Variants in EFHC2 observed in about 807,000 individuals in gnomAD.
EFHC2 encodes EF-hand domain-containing family member C2.
A neutral mutation model predicts 52.7 loss-of-function variants in EFHC2; 18 were observed. The ratio of observed to expected loss-of-function variants is 0.34; its 90% CI spans 0.24 to 0.51. The LOEUF is 0.51. Among genes scored for constraint, EFHC2 ranks in the 20% least tolerant of loss-of-function variants. The pLI, the probability that EFHC2 is intolerant of heterozygous loss-of-function variation, is 0.97. For synonymous variants in EFHC2, 203 were observed against 204.1 expected, an observed-to-expected ratio of 0.99 and a Z score of 0.04; for missense variants, 513 against 562.5, an observed-to-expected ratio of 0.91 and a Z score of 0.89.
intron 1 of EFHC2, among the ~76,000 whole-genome samples, chrX:44,317,002 G>A (rs370772422): frequency 7.1e-5 from 8 of 111,954 alleles, no homozygotes; most frequent in South Asian, 3.7e-4. Context: ...ACTTGAGACC[G>A]TCATTACGAG....
At chrX:44,262,275 G>A (rs758675966) in intron 3 of EFHC2, among the ~76,000 whole-genome samples, 33 of 109,110 alleles carry the variant, frequency 3.0e-4, no homozygotes, top group Non-Finnish European at 5.7e-4. Flanking sequence ...CAGGCAGATT[G>A]CTTGAGCCCA....
chrX:44,259,868 T>C (rs2037523968), intron 4 of EFHC2, among the ~76,000 whole-genome samples: 1 of 111,739 alleles, frequency 8.9e-6, no homozygotes, highest in South Asian at 3.7e-4. Flanking sequence ...GGATCAACAA[T>C]ATATATATTT....
chrX:44,285,820 C>A, intron 2 of EFHC2: 2 of 150,501 alleles, frequency 1.3e-5, no homozygotes, highest in Non-Finnish European at 2.8e-5. Context: ...TGCGGCTGGC[C>A]GTCTCTCTAA....
chrX:44,202,215 A>G (rs1483792694), intron 11 of EFHC2, among the ~76,000 whole-genome samples: 1 of 111,846 alleles, frequency 8.9e-6, no homozygotes, highest in African/African-American at 3.3e-5. Flanking sequence ...GGAGTCCAAG[A>G]CCAGCCTGGC....
At chrX:44,192,852 G>A (rs1342169429) in intron 11 of EFHC2, among the ~76,000 whole-genome samples, 1 of 101,769 alleles carries the variant, frequency 9.8e-6, no homozygotes, top group Non-Finnish European at 2.1e-5. Flanking sequence ...GCTTGCTCCT[G>A]CTGAGACTCT....
intron 1 of EFHC2, among the ~76,000 whole-genome samples, chrX:44,337,306 G>A (rs2038123205): frequency 9.0e-6 from 1 of 111,033 alleles, no homozygotes; most frequent in Non-Finnish European, 1.9e-5. Flanking sequence ...GTTTTTAATA[G>A]GGGAGAAAAC....
intron 1 of EFHC2, among the ~76,000 whole-genome samples, chrX:44,324,458 G>A (rs1459223154): frequency 9.0e-6 from 1 of 111,248 alleles, no homozygotes; most frequent in Non-Finnish European, 1.9e-5. Context: ...TCTGTTTTGA[G>A]AAATCGGCTC....
In EFHC2 at chrX:44,250,240, C is replaced by T; in HGVS notation, c.812G>A (p.Gly271Asp). ...GAGGAACATTTTTAGAGCATCTCGG[C>T]CTGAGCTGTGTGGAAGCAATTCTTT... ...EIKELLPHSS[G>D]RDALKMFLRR... Residue 271 changes from glycine (G) to aspartate (D), a missense_variant, in exon 5 of 15, where the codon GGC (glycine) becomes GAC (aspartate). Physicochemically the swap from Gly to Asp is moderately conservative, Grantham distance 94 (BLOSUM62 -1). Transcript: ENST00000420999. The T allele has an allele frequency of 7.4e-6, 9 of 1,210,933 alleles. No individual in the cohort carries two copies. The highest frequency in any genetic ancestry group is 1.0e-5 in the Non-Finnish European group (9 of 895,139).
At chrX:44,300,176 C>T (rs1230469227) in intron 2 of EFHC2, among the ~76,000 whole-genome samples, 1 of 111,100 alleles carries the variant, frequency 9.0e-6, no homozygotes, top group Non-Finnish European at 1.9e-5. Context: ...ATTAAAAGTT[C>T]AGAACAAAAT....
intron 13 of EFHC2, among the ~76,000 whole-genome samples, chrX:44,174,654 G>C (rs1264031306): frequency 5.5e-4 from 56 of 102,332 alleles, no homozygotes; most frequent in African/African-American, 1.8e-3. Context: ...AAAAAAAAGG[G>C]GGGGGGAGGG....
chrX:44,229,476 G>A (rs184959247), intron 11 of EFHC2, among the ~76,000 whole-genome samples, 173 bp downstream of exon 11: 4,273 of 111,585 alleles, frequency 0.038, 177 homozygotes, highest in African/African-American at 0.13. Flanking sequence ...ATGTAAATTC[G>A]TAACATTTAC....
intron 8 of EFHC2, among the ~76,000 whole-genome samples, chrX:44,235,674 T>C (rs1437437611): frequency 1.8e-5 from 2 of 112,643 alleles, no homozygotes; most frequent in Non-Finnish European, 3.7e-5. Context: ...GGGTAACACA[T>C]TGGGAAAATG....
intron 11 of EFHC2, among the ~76,000 whole-genome samples, chrX:44,200,008 G>A (rs1034644770): frequency 9.0e-6 from 1 of 111,622 alleles, no homozygotes; most frequent in African/African-American, 3.3e-5. Flanking sequence ...TAGGATCCTG[G>A]GACAGAAAAA....
chrX:44,186,702 C>A (rs1305795862), intron 11 of EFHC2, among the ~76,000 whole-genome samples: 1 of 111,747 alleles, frequency 8.9e-6, no homozygotes, highest in Non-Finnish European at 1.9e-5. Flanking sequence ...CGGTTGAATA[C>A]AAAACACAGT....
At chrX:44,153,325 A>G (rs185389031) in intron 14 of EFHC2, among the ~76,000 whole-genome samples, 75 of 111,520 alleles carry the variant, frequency 6.7e-4, no homozygotes, top group African/African-American at 2.2e-3. Flanking sequence ...ACCACTTTAA[A>G]CCCCATGGCT....
intron 14 of EFHC2, among the ~76,000 whole-genome samples, chrX:44,152,370 C>T (rs1325674994): frequency 8.9e-6 from 1 of 111,838 alleles, no homozygotes; most frequent in African/African-American, 3.3e-5. Context: ...AGTGGAGCTG[C>T]GGAACTATGC....
intron 2 of EFHC2, among the ~76,000 whole-genome samples, chrX:44,298,510 G>A (rs926622296): frequency 4.5e-5 from 5 of 111,470 alleles, no homozygotes; most frequent in Non-Finnish European, 9.4e-5. Context: ...ACGGTGTCTG[G>A]GGTGGTGGTT....
intron 11 of EFHC2, among the ~76,000 whole-genome samples, chrX:44,190,167 C>T (rs1173357608): frequency 9.0e-6 from 1 of 111,443 alleles, no homozygotes; most frequent in Non-Finnish European, 1.9e-5. Context: ...AAAACAACAG[C>T]AAAACCCAGC....
At position 44,148,525 on chromosome X, in the gene EFHC2, TCAG is replaced by T; in HGVS notation, c.*267_*269del. 1 of 247,424 alleles carries T rather than the reference TCAG, an allele frequency of 4.0e-6. No individual in the cohort carries two copies. The highest frequency in any genetic ancestry group is 8.7e-5 in the South Asian group (1 of 11,468). 20.4% of individuals were successfully genotyped at this position (247,424 alleles called of 1,213,427 possible). ...TCAAATTATGTTGGATCAAAAATTA[TCAG>T]AAGATTTTTTGGTATTAATAAACCA... On this transcript the variant is annotated 3_prime_UTR_variant, in exon 15 of 15. Transcript: ENST00000420999.
Sources: gnomAD v4.1 joint callset for allele counts (sites outside exome capture counted in the v4.1 genomes callset) on GRCh38, gnomAD v4.1.1 for gene constraint, MANE v1.5 for transcripts, NCBI Gene and HGNC (gene_info 2026-07-23, HGNC 2026-07-21) for gene names.